Variants in PCDH9 observed in about 807,000 individuals in gnomAD.
PCDH9 encodes protocadherin 9.
PCDH9 carries 24 observed loss-of-function variants against 70.6 expected under a neutral mutation model. That is an observed-to-expected ratio of 0.34 (90% CI 0.25 to 0.48). PCDH9 has a LOEUF of 0.48. Ranked by LOEUF, PCDH9 falls within the 20% of genes least tolerant of loss-of-function variation. The pLI, the probability that PCDH9 is intolerant of heterozygous loss-of-function variation, is 0.99. For missense variants in PCDH9, 1,281 were observed against 1,503.6 expected (o/e 0.85, Z 2.45); for synonymous variants, 562 against 558.5 (o/e 1.01, Z -0.09).
intron 2 of PCDH9, among the ~76,000 whole-genome samples, chr13:67,133,105 C>T (rs1024993074): frequency 1.3e-5 from 2 of 152,082 alleles, no homozygotes; most frequent in African/African-American, 4.8e-5. Flanking sequence ...ACGGGCCTTC[C>T]TGTGCTCATA....
At chr13:66,391,088 C>A (rs1957008920) in intron 4 of PCDH9, among the ~76,000 whole-genome samples, 1 of 152,098 alleles carries the variant, frequency 6.6e-6, no homozygotes, top group African/African-American at 2.4e-5. Flanking sequence ...AATATACTAC[C>A]AATATTGTCC....
intron 3 of PCDH9, among the ~76,000 whole-genome samples, chr13:66,638,734 G>A (rs538712305): frequency 7.2e-5 from 11 of 152,128 alleles, no homozygotes; most frequent in African/African-American, 9.7e-5. Context: ...TGGAATTAAC[G>A]TATGAAATCT....
intron 2 of PCDH9, among the ~76,000 whole-genome samples, chr13:67,049,404 A>G (rs1178880862): frequency 6.6e-6 from 1 of 152,226 alleles, no homozygotes; most frequent in Non-Finnish European, 1.5e-5. Context: ...CATCTATAAC[A>G]ATAGGGATAA....
rs546486906 is a variant in PCDH9, at chr13:66,575,264, G to C, written c.3340+55946C>G. ...ACATTTTCAGTCCTAGCTTTCTTCT[G>C]TTTCCTGACACAGGCATACATGTTA... is the stretch of plus-strand genomic sequence containing the variant. On this transcript the variant is annotated intron_variant, in intron 4 of 4. Transcript: ENST00000377865. Among the ~76,000 whole-genome samples, 6 of 152,102 alleles carry C rather than the reference G, an allele frequency of 3.9e-5. No individual in the cohort carries two copies. The South Asian group carries it at 1.3e-3, about 32-fold the overall frequency.
At chr13:66,876,206 C>A (rs1001346322) in intron 3 of PCDH9, among the ~76,000 whole-genome samples, 2 of 152,046 alleles carry the variant, frequency 1.3e-5, no homozygotes, top group Middle Eastern at 3.4e-3. Context: ...AGACTTAGTA[C>A]TATAAATTAC....
chr13:66,793,117 A>G (rs1271278626), intron 3 of PCDH9, among the ~76,000 whole-genome samples: 1 of 151,392 alleles, frequency 6.6e-6, no homozygotes, highest in Non-Finnish European at 1.5e-5. Flanking sequence ...ATGCTTATAT[A>G]TATATATAAA....
intron 4 of PCDH9, among the ~76,000 whole-genome samples, chr13:66,308,572 C>T (rs1220384785): frequency 6.6e-6 from 1 of 151,952 alleles, no homozygotes; most frequent in African/African-American, 2.4e-5. Flanking sequence ...TCAGGCAGAG[C>T]CATACAAGGG....
At chr13:67,119,918 T>G (rs2086845643) in intron 2 of PCDH9, among the ~76,000 whole-genome samples, 1 of 152,042 alleles carries the variant, frequency 6.6e-6, no homozygotes, top group Admixed American at 6.6e-5. Flanking sequence ...GTGGCTTTTG[T>G]TTAACATTAC....
At chr13:66,611,342 T>C (rs1352786350) in intron 4 of PCDH9, among the ~76,000 whole-genome samples, 2 of 152,144 alleles carry the variant, frequency 1.3e-5, no homozygotes, top group African/African-American at 4.8e-5. Context: ...TTCTGGCTAA[T>C]TAGAAGAAAT....
At chr13:66,921,674 A>G (rs1030637122) in intron 2 of PCDH9, among the ~76,000 whole-genome samples, 1 of 151,352 alleles carries the variant, frequency 6.6e-6, no homozygotes, top group Non-Finnish European at 1.5e-5. Context: ...AGACTAATAC[A>G]CAGGATTTAT....
chr13:66,903,636 A>G, intron 2 of PCDH9, 31 bp from the exon 3 acceptor site: 1 of 915,024 alleles, frequency 1.1e-6, no homozygotes, highest in Non-Finnish European at 1.8e-6. Flanking sequence ...ATTGTGACAA[A>G]CTACTCCACA....
In PCDH9 at chr13:66,855,249, T is replaced by C. The variant is rs181819745; in HGVS notation, c.3138+48255A>G. On this transcript the variant is annotated intron_variant, in intron 3 of 4. Transcript: ENST00000377865. ...TTAACAATAATGTGAATTTGGTCCA[T>C]GAGAAAGATGTCATTTCTCTCATTC... 1.2e-4 allele frequency among the ~76,000 whole-genome samples: 18 copies of C among 152,248 alleles called. No homozygotes were observed. The East Asian group carries it at 3.3e-3, about 28-fold the overall frequency.
intron 4 of PCDH9, among the ~76,000 whole-genome samples, chr13:66,497,184 T>A (rs2138548843): frequency 6.6e-6 from 1 of 151,922 alleles, no homozygotes; most frequent in African/African-American, 2.4e-5. Flanking sequence ...CCTCTTTGCC[T>A]CAACTTCCCA....
intron 4 of PCDH9, among the ~76,000 whole-genome samples, chr13:66,566,702 G>A (rs1259453278): frequency 6.6e-6 from 1 of 151,500 alleles, no homozygotes; most frequent in Non-Finnish European, 1.5e-5. Context: ...TAGTTGTTCT[G>A]AAGTGAAATT....
chr13:67,046,435 T>C (rs1566386704), intron 2 of PCDH9, among the ~76,000 whole-genome samples: 1 of 152,132 alleles, frequency 6.6e-6, no homozygotes, highest in Non-Finnish European at 1.5e-5. Context: ...GAGTCACAAA[T>C]GCAAATATAA....
At chr13:66,512,061 AC>A (rs1246413023) in intron 4 of PCDH9, among the ~76,000 whole-genome samples, 3 of 152,086 alleles carry the variant, frequency 2.0e-5, no homozygotes, top group Non-Finnish European at 4.4e-5. Context: ...ATGAAGCTTA[AC>A]TTTTGGGAAT....
chr13:66,650,841 T>C (rs899449232), intron 3 of PCDH9, among the ~76,000 whole-genome samples: 2 of 152,110 alleles, frequency 1.3e-5, no homozygotes, highest in Admixed American at 1.3e-4. Flanking sequence ...GTATCTTCTC[T>C]GATCACAATA....
In PCDH9 at chr13:66,304,587, C is replaced by T. The variant is rs1291869390; in HGVS notation, c.*68G>A. 8 of 1,243,462 alleles carry T rather than the reference C, an allele frequency of 6.4e-6. No individual in the cohort carries two copies. In the East Asian group the frequency reaches 1.6e-4, roughly 25 times the overall value. 77.0% of individuals were successfully genotyped at this position (1,243,462 alleles called of 1,614,324 possible). On this transcript the variant is annotated 3_prime_UTR_variant, in exon 5 of 5. Coordinates refer to ENST00000377865, the MANE Select transcript of PCDH9 (RefSeq NM_203487.3). ...CATAGTTGTAGAGATCTATTGAATACATAAAGCTCTGACGCACACGGTATT... is the reference window on the plus strand; with the variant it reads ...CATAGTTGTAGAGATCTATTGAATATATAAAGCTCTGACGCACACGGTATT...
intron 3 of PCDH9, among the ~76,000 whole-genome samples, chr13:66,648,910 C>T (rs2077810510): frequency 6.6e-6 from 1 of 151,828 alleles, no homozygotes; most frequent in Non-Finnish European, 1.5e-5. Flanking sequence ...AAGCATAATG[C>T]AATTGACATA....
Sources: allele counts gnomAD v4.1 joint callset (sites outside exome capture counted in the v4.1 genomes callset), GRCh38; gene constraint gnomAD v4.1.1; transcripts MANE v1.5; gene names NCBI Gene and HGNC (gene_info 2026-07-23, HGNC 2026-07-21).